The following CACNA1C variants were observed in gnomAD, a reference collection of about 807,000 sequenced individuals.
CACNA1C encodes calcium voltage-gated channel subunit alpha1 C, also known as voltage-dependent L-type calcium channel subunit alpha-1C.
Under a neutral mutation model 229.0 loss-of-function variants are expected in CACNA1C, and 30 were observed. The ratio of observed to expected loss-of-function variants is 0.13; its 90% CI spans 0.10 to 0.18. The LOEUF (loss-of-function observed/expected upper bound fraction) is 0.18, where lower values mean the gene tolerates loss of function less well. Ranked by LOEUF, CACNA1C falls within the 10% of genes least tolerant of loss-of-function variation. The probability of loss-of-function intolerance (pLI) is 1.00; values close to 1 mark genes in which losing one functional copy is unlikely to be tolerated. For missense variants in CACNA1C, 1,658 were observed against 2,845.0 expected (o/e 0.58, Z 9.49); for synonymous variants, 1,114 against 1,132.5 (o/e 0.98, Z 0.33).
intron 1 of CACNA1C, among the ~76,000 whole-genome samples, chr12:2,099,928 G>A (rs1476679720): frequency 6.6e-6 from 1 of 152,150 alleles, no homozygotes; most frequent in African/African-American, 2.4e-5. Context: ...GTTATTATCT[G>A]CTTTTTACAA....
intron 30 of CACNA1C, among the ~76,000 whole-genome samples, chr12:2,640,551 A>G (rs1471198389): frequency 1.3e-5 from 2 of 152,044 alleles, no homozygotes; most frequent in Non-Finnish European, 2.9e-5. Flanking sequence ...GAGCAGCACC[A>G]CTCCCTTTGC....
At chr12:2,091,752 C>G (rs1337677676) in intron 1 of CACNA1C, among the ~76,000 whole-genome samples, 2 of 152,230 alleles carry the variant, frequency 1.3e-5, no homozygotes, top group Non-Finnish European at 2.9e-5. Context: ...CACACTGGGC[C>G]TCTGCTATGT....
Position 2,493,456 on chromosome 12 carries a change from T to TTTCTCCTCCTCCCC in CACNA1C, c.1113+71_1113+84dup. ...CGTGAACCCTTCCCTGACACCTCCC[T>TTTCTCCTCCTCCCC]TTCTCCTCCTCCCCATGGTCTTGGG... On this transcript the variant is annotated intron_variant, in intron 7 of 46. Coordinates refer to ENST00000399655, the MANE Select transcript of CACNA1C (RefSeq NM_000719.7). This position sits in a 1 kb window ranked among gnomAD's most constrained non-coding sequence, Gnocchi z 4.6. 8.7e-7 allele frequency: 1 copy of TTTCTCCTCCTCCCC among 1,146,494 alleles called. No individual in the cohort carries two copies. Among genetic ancestry groups the TTTCTCCTCCTCCCC allele is most frequent in the Non-Finnish European group, 1.3e-6 (1 of 763,140 alleles). 71.0% of individuals were successfully genotyped at this position (1,146,494 alleles called of 1,614,324 possible).
intron 1 of CACNA1C, among the ~76,000 whole-genome samples, chr12:2,101,979 C>T (rs2283283): frequency 0.58 from 87,601 of 151,952 alleles, 26,360 homozygotes; most frequent in Non-Finnish European, 0.66. Flanking sequence ...GGGACAGTTA[C>T]GTTTTGAGTC....
intron 30 of CACNA1C, among the ~76,000 whole-genome samples, chr12:2,643,418 T>C (rs1323538064): frequency 6.6e-6 from 1 of 152,230 alleles, no homozygotes; most frequent in African/African-American, 2.4e-5. Flanking sequence ...CTGCTTAGAA[T>C]TGCTTTCAAC....
chr12:2,655,456 A>AC (rs2095365407), intron 34 of CACNA1C, among the ~76,000 whole-genome samples: 1 of 152,172 alleles, frequency 6.6e-6, no homozygotes, highest in Non-Finnish European at 1.5e-5. Context: ...CCTGCTGGAA[A>AC]CCAGACAAAA....
chr12:2,526,338 G>C (rs1345105144), intron 9 of CACNA1C, among the ~76,000 whole-genome samples: 1 of 152,194 alleles, frequency 6.6e-6, no homozygotes, highest in Non-Finnish European at 1.5e-5. Context: ...CCAGGGCCTT[G>C]TCACATCACA....
chr12:2,443,733 T>TG (rs1383778778), intron 3 of CACNA1C, among the ~76,000 whole-genome samples: 3 of 152,224 alleles, frequency 2.0e-5, no homozygotes, highest in Non-Finnish European at 4.4e-5. Flanking sequence ...CAGAGGCACG[T>TG]GGGGCATCTA....
In CACNA1C at chr12:2,585,543, G is replaced by C; in HGVS notation, c.2460+47G>C. Reference sequence around the variant, plus strand: ...GGAGCTGTGAGGCCGGTGCTGGGGAGGGAGGGCCACAGCCTTCCCAGGCCA... The same window carrying C: ...GGAGCTGTGAGGCCGGTGCTGGGGACGGAGGGCCACAGCCTTCCCAGGCCA... On this transcript the variant is annotated intron_variant, in intron 17 of 46. Transcript: ENST00000399655. This position sits in a 1 kb window ranked among gnomAD's most constrained non-coding sequence, Gnocchi z 4.1. 6.6e-7 allele frequency: 1 copy of C among 1,507,534 alleles called. No individual in the cohort carries two copies. Among genetic ancestry groups the C allele is most frequent in the Non-Finnish European group, 8.9e-7 (1 of 1,124,572 alleles). 93.4% of individuals were successfully genotyped at this position (1,507,534 alleles called of 1,614,324 possible). A position where few individuals can be genotyped will look rare whatever the true frequency, so the allele number is the denominator to read the frequency against.
At chr12:1,997,103 A>G (rs1565872300) in intron 1 of CACNA1C, among the ~76,000 whole-genome samples, 1 of 152,182 alleles carries the variant, frequency 6.6e-6, no homozygotes, top group Admixed American at 6.5e-5. Context: ...TTAATATCTG[A>G]TAACAAGAAA....
At chr12:2,134,175 C>T (rs1200776710) in intron 3 of CACNA1C, among the ~76,000 whole-genome samples, 5 of 72,954 alleles carry the variant, frequency 6.9e-5, no homozygotes, top group African/African-American at 2.7e-4. Context: ...CTTCCTCCAT[C>T]CTTTTATTTT....
chr12:2,626,217 C>T (rs1035146220), intron 29 of CACNA1C, among the ~76,000 whole-genome samples: 1 of 152,248 alleles, frequency 6.6e-6, no homozygotes, highest in African/African-American at 2.4e-5. Flanking sequence ...CAGCGCCCTG[C>T]CTGGCGTACC....
intron 3 of CACNA1C, 84 bp from the exon 4 acceptor site, chr12:2,448,892 A>T: frequency 8.5e-7 from 1 of 1,173,134 alleles, no homozygotes; most frequent in Non-Finnish European, 1.2e-6. Context: ...TCTTCCACCT[A>T]CTTGTGAGAT....
chr12:2,460,177 CTGGGGGAGGTGCTCACAAAA>C (rs2099490213), intron 5 of CACNA1C, among the ~76,000 whole-genome samples: 2 of 152,216 alleles, frequency 1.3e-5, no homozygotes, highest in South Asian at 4.1e-4. Flanking sequence ...GTTGTCATGG[CTGGGGGAGGTGCTCACAAAA>C]TGGGGCTTAG....
chr12:2,448,945 T>C (rs1190758246), intron 3 of CACNA1C, 31 bp from the exon 4 acceptor site: 2 of 1,583,886 alleles, frequency 1.3e-6, no homozygotes, highest in Non-Finnish European at 8.6e-7. Flanking sequence ...CAATGACTTA[T>C]TTTTCTCTCT....
At chr12:2,185,071 C>A (rs1483203852) in intron 3 of CACNA1C, among the ~76,000 whole-genome samples, 2 of 152,116 alleles carry the variant, frequency 1.3e-5, no homozygotes, top group African/African-American at 2.4e-5. Context: ...AGCTGTAGTT[C>A]ATTCACCATG....
intron 3 of CACNA1C, among the ~76,000 whole-genome samples, chr12:2,310,352 A>AATATATATATATATAT (rs35448122): frequency 2.9e-5 from 4 of 139,822 alleles, no homozygotes; most frequent in African/African-American, 1.1e-4. Context: ...TAAAAAAAAA[A>AATATATATATATATAT]ATATATATAT....
chr12:1,980,078 C>T (rs114572848), intron 1 of CACNA1C, among the ~76,000 whole-genome samples: 5,777 of 152,226 alleles, frequency 0.038, 346 homozygotes, highest in African/African-American at 0.13. Flanking sequence ...GCTAAACAAA[C>T]CCATACACTA....
Position 2,682,908 on chromosome 12 carries a change from A to T in CACNA1C, c.5573+230A>T, listed in dbSNP as rs1442053959. Among the ~76,000 whole-genome samples, 347 of 150,358 alleles carry T rather than the reference A, an allele frequency of 2.3e-3. 1 individual carries two copies. The highest frequency in any genetic ancestry group is 3.9e-3 in the Non-Finnish European group (262 of 67,528). On this transcript the variant is annotated intron_variant, in intron 43 of 46. Coordinates refer to ENST00000399655, the MANE Select transcript of CACNA1C (RefSeq NM_000719.7). ...ACACACACACAGACACACACAACAC[A>T]CACATACACGATGCCCTTTTTAGCT...
Sources: allele counts gnomAD v4.1 joint callset (sites outside exome capture counted in the v4.1 genomes callset), GRCh38; gene constraint gnomAD v4.1.1; non-coding constraint Gnocchi (gnomAD v3.1); transcripts MANE v1.5; gene names NCBI Gene and HGNC (gene_info 2026-07-23, HGNC 2026-07-21).